METRNL: variants seen among roughly 807,000 people sequenced by gnomAD.
METRNL encodes the protein meteorin like, glial cell differentiation regulator.
In METRNL, 9 loss-of-function variants were observed where a neutral mutation model predicts 17.4. That is an observed-to-expected ratio of 0.52 (90% CI 0.31 to 0.90). The LOEUF (loss-of-function observed/expected upper bound fraction) is 0.90, where lower values mean the gene tolerates loss of function less well. Among genes scored for constraint, METRNL ranks in the 40% least tolerant of loss-of-function variants. The probability of loss-of-function intolerance (pLI) is 0.05; values close to 1 mark genes in which losing one functional copy is unlikely to be tolerated. For missense variants in METRNL, 408 were observed against 430.7 expected (o/e 0.95, Z 0.47); for synonymous variants, 215 against 199.3 (o/e 1.08, Z -0.66).
intron 2 of METRNL, among the ~76,000 whole-genome samples, chr17:83,091,918 T>C (rs1233330899): frequency 1.3e-5 from 2 of 152,148 alleles, no homozygotes; most frequent in Non-Finnish European, 2.9e-5. Flanking sequence ...AATAAAACCA[T>C]GTTTTCCAAG....
chr17:83,082,034 C>T, intron 1 of METRNL: 1 of 973,300 alleles, frequency 1.0e-6, no homozygotes, highest in Non-Finnish European at 1.2e-6. Context: ...CTGGCCACTG[C>T]ATCGACGGCC....
intron 2 of METRNL, among the ~76,000 whole-genome samples, chr17:83,085,779 A>T (rs770641775): frequency 7.2e-5 from 11 of 152,286 alleles, no homozygotes; most frequent in Admixed American, 2.0e-4. Context: ...TGGATCGTGT[A>T]GCACCTTTGA....
intron 2 of METRNL, 79 bp from the exon 3 acceptor site, chr17:83,093,087 AG>A (rs74775917): frequency 0.3 from 359,800 of 1,216,652 alleles, 56,505 homozygotes; most frequent in East Asian, 0.54. Context: ...GCTGAGTGTG[AG>A]GATCCTTTGA....
chr17:83,080,017 C>T, intron 1 of METRNL, 32 bp downstream of exon 1: 1 of 1,008,994 alleles, frequency 9.9e-7, no homozygotes, highest in Non-Finnish European at 1.2e-6. Context: ...CCGGCCCGGC[C>T]CCCTCCCCTC....
chr17:83,084,995 G>A lies in METRNL; in HGVS notation c.228G>A (p.Ala76=), dbSNP rs542853168. The change falls in exon 2 of 4, where the codon GCG becomes GCA. Residue 76 remains alanine (A), a synonymous_variant. Transcript: ENST00000320095. ...KEVEQVYLRC[A]AGAVEWMYPT... is the part of the protein sequence containing the mutation. ...TGGAGCAGGTGTATCTGCGCTGTGC[G>A]GCGGGTGCCGTGGAGTGGATGTACC... 101 of 1,613,464 alleles carry A rather than the reference G, an allele frequency of 6.3e-5. No homozygotes were observed. The South Asian group carries it at 7.2e-4, about 12-fold the overall frequency.
At chr17:83,093,453 A>G (rs907951819) in intron 3 of METRNL, among the ~76,000 whole-genome samples, 4 of 152,164 alleles carry the variant, frequency 2.6e-5, no homozygotes, top group African/African-American at 9.7e-5. Context: ...TGTTTTGGTG[A>G]CTGTCAAACA....
At chr17:83,087,641 G>C (rs889912896) in intron 2 of METRNL, among the ~76,000 whole-genome samples, 2 of 152,226 alleles carry the variant, frequency 1.3e-5, no homozygotes, top group African/African-American at 4.8e-5. Context: ...TCTGGCAGCA[G>C]TGACGCCATC....
intron 1 of METRNL, among the ~76,000 whole-genome samples, chr17:83,080,506 C>G (rs1276101179): frequency 1.4e-5 from 2 of 147,616 alleles, no homozygotes; most frequent in Non-Finnish European, 3.0e-5. Context: ...GCCGGGCCCC[C>G]CGCCCCTGCC....
At chr17:83,084,913 G>C (rs754585527) in intron 1 of METRNL, 25 bp from the exon 2 acceptor site, 1 of 1,592,578 alleles carries the variant, frequency 6.3e-7, no homozygotes, top group South Asian at 1.1e-5. Context: ...CTCCGGGCCT[G>C]GCTGACAGTG....
At position 83,079,614 on chromosome 17, in the gene METRNL, C is replaced by A. The variant is rs1481213578; in HGVS notation, c.-202C>A. On this transcript the variant is annotated 5_prime_UTR_variant, in exon 1 of 4. Coordinates refer to ENST00000320095, the MANE Select transcript of METRNL (RefSeq NM_001004431.3). ...GACTCGGACTCGCCAACTTCAGAGG[C>A]TCGGCGGCGGCGGCGGGCGCGGAGC... 5 of 148,764 alleles carry A rather than the reference C, an allele frequency of 3.4e-5. No individual in the cohort carries two copies. Among genetic ancestry groups the A allele is most frequent in the African/African-American group, 9.8e-5 (4 of 40,660 alleles). The allele number at this position is 148,764 out of a possible 1,614,324, so 9.2% of individuals were successfully genotyped here.
intron 3 of METRNL, 69 bp from the exon 4 acceptor site, chr17:83,094,187 G>T (rs1201856678): frequency 1.7e-5 from 22 of 1,313,106 alleles, no homozygotes; most frequent in Non-Finnish European, 2.1e-5. Flanking sequence ...GGGGGCAGGG[G>T]GAGGTGCGGT....
chr17:83,089,640 C>T (rs769090215), intron 2 of METRNL, among the ~76,000 whole-genome samples: 37 of 152,198 alleles, frequency 2.4e-4, no homozygotes, highest in African/African-American at 4.1e-4. Flanking sequence ...AACCCTTTGC[C>T]GACCCTCCCC....
intron 2 of METRNL, among the ~76,000 whole-genome samples, chr17:83,091,285 A>T (rs1199204776): frequency 6.6e-6 from 1 of 151,956 alleles, no homozygotes; most frequent in African/African-American, 2.4e-5. Flanking sequence ...TTTTCCTGAT[A>T]CCTTAATGGA....
At chr17:83,092,187 T>A (rs2038145966) in intron 2 of METRNL, among the ~76,000 whole-genome samples, 1 of 152,152 alleles carries the variant, frequency 6.6e-6, no homozygotes, top group Non-Finnish European at 1.5e-5. Context: ...TGAAAGCCAT[T>A]TGGGGCATGC....
intron 2 of METRNL, among the ~76,000 whole-genome samples, chr17:83,085,892 G>A (rs1229469166): frequency 6.6e-6 from 1 of 152,236 alleles, no homozygotes; most frequent in African/African-American, 2.4e-5. Context: ...AGCTGAGGCT[G>A]GCTCAGCCCT....
At chr17:83,089,690 G>A (rs867150798) in intron 2 of METRNL, among the ~76,000 whole-genome samples, 105 of 152,124 alleles carry the variant, frequency 6.9e-4, no homozygotes, top group African/African-American at 2.3e-3. Flanking sequence ...CGTGAGCAGC[G>A]CGTTCCGCAG....
At chr17:83,082,008 G>A (rs909055486) in intron 1 of METRNL, 1 of 871,230 alleles carries the variant, frequency 1.1e-6, no homozygotes, top group Admixed American at 6.2e-5. Flanking sequence ...TAGCTGGAAA[G>A]TTGCCCCTCA....
In METRNL at chr17:83,094,249, C is replaced by A; in HGVS notation, c.617-7C>A. 6.4e-7 allele frequency: 1 copy of A among 1,556,798 alleles called. No individual in the cohort carries two copies. Among genetic ancestry groups the A allele is most frequent in the Non-Finnish European group, 8.7e-7 (1 of 1,143,176 alleles). On this transcript the variant is annotated splice_region_variant and splice_polypyrimidine_tract_variant and intron_variant, in intron 3 of 3. Transcript: ENST00000320095. ...CACTCCCTGTCCCCATCTCCTTCCC[C>A]GCACAGCCGTTCGAGGCTCCATCCA...
intron 2 of METRNL, among the ~76,000 whole-genome samples, chr17:83,087,683 C>T (rs866529806): frequency 3.9e-5 from 6 of 152,194 alleles, no homozygotes; most frequent in South Asian, 4.1e-4. Context: ...CAGCACTCTC[C>T]GGCCAGCGCC....
Sources: allele counts gnomAD v4.1 joint callset (sites outside exome capture counted in the v4.1 genomes callset), GRCh38; gene constraint gnomAD v4.1.1; transcripts MANE v1.5; gene names NCBI Gene and HGNC (gene_info 2026-07-23, HGNC 2026-07-21).